SEC24A: variants seen among roughly 807,000 people sequenced by gnomAD.
The protein encoded by SEC24A is protein transport protein Sec24A.
In SEC24A, 93 loss-of-function variants were observed where a neutral mutation model predicts 129.4. That is an observed-to-expected ratio of 0.72 (90% CI 0.61 to 0.85). SEC24A has a LOEUF of 0.85. Among genes scored for constraint, SEC24A ranks in the 40% least tolerant of loss-of-function variants. The pLI is 0.00. For missense variants in SEC24A, 1,264 were observed against 1,307.4 expected (o/e 0.97, Z 0.51); for synonymous variants, 460 against 467.3 (o/e 0.98, Z 0.20).
chr5:134,665,728 T>C (rs1750639452), intron 2 of SEC24A, among the ~76,000 whole-genome samples: 1 of 151,884 alleles, frequency 6.6e-6, no homozygotes. Context: ...GGCTAATTTT[T>C]TGTATTTTTA....
chr5:134,666,231 G>A (rs1750654116), intron 2 of SEC24A, among the ~76,000 whole-genome samples: 3 of 151,878 alleles, frequency 2.0e-5, no homozygotes, highest in Admixed American at 6.6e-5. Flanking sequence ...TAATTGACAG[G>A]TAAGAGGCCT....
At chr5:134,677,168 CTA>C (rs2150084362) in intron 7 of SEC24A, among the ~76,000 whole-genome samples, 1 of 151,970 alleles carries the variant, frequency 6.6e-6, no homozygotes, top group East Asian at 1.9e-4. Flanking sequence ...TTGCTTGGGT[CTA>C]TGAGTTCAAG....
At chr5:134,679,427 A>T (rs771125300) in intron 7 of SEC24A, among the ~76,000 whole-genome samples, 175 bp from the exon 8 acceptor site, 2 of 152,146 alleles carry the variant, frequency 1.3e-5, no homozygotes, top group Non-Finnish European at 2.9e-5. Context: ...GTTTAAAATT[A>T]ATACATTTCA....
intron 18 of SEC24A, among the ~76,000 whole-genome samples, chr5:134,710,045 G>T (rs896496809): frequency 6.6e-6 from 1 of 151,326 alleles, no homozygotes. Context: ...GATTACAAGT[G>T]TGTGCCACTA....
Position 134,695,339 on chromosome 5 carries a change from A to AAAC in SEC24A, c.1986+1427_1986+1429dup, listed in dbSNP as rs552433417. Among the ~76,000 whole-genome samples, 76 of 151,724 alleles carry AAAC rather than the reference A, an allele frequency of 5.0e-4. 1 individual carries two copies. The highest frequency in any genetic ancestry group is 3.4e-3 in the Middle Eastern group (1 of 290). On this transcript the variant is annotated intron_variant, in intron 13 of 22. Transcript: ENST00000398844. Reference sequence around the variant, plus strand: ...TCGTGCCACTACACTCCAACTTGGGAAACAACAACAACAACAACAACAAAA... The same window carrying AAAC: ...TCGTGCCACTACACTCCAACTTGGGAAACAACAACAACAACAACAACAACAAAA...
chr5:134,674,858 A>G (rs928503806), intron 5 of SEC24A, 83 bp downstream of exon 5: 1 of 1,268,226 alleles, frequency 7.9e-7, no homozygotes, highest in South Asian at 1.6e-5. Flanking sequence ...AGGAAGGTAT[A>G]TTATACATTT....
At chr5:134,718,440 A>T (rs1392226308) in intron 20 of SEC24A, among the ~76,000 whole-genome samples, 1 of 152,020 alleles carries the variant, frequency 6.6e-6, no homozygotes, top group Admixed American at 6.6e-5. Flanking sequence ...ACTCCTACTT[A>T]ATTTTTTAAA....
At chr5:134,656,224 C>T (rs1364437426) in intron 1 of SEC24A, among the ~76,000 whole-genome samples, 2 of 151,464 alleles carry the variant, frequency 1.3e-5, no homozygotes, top group African/African-American at 2.4e-5. Context: ...CTGGGACCAC[C>T]GGCATGTGCC....
chr5:134,704,344 A>G (rs1366842124), intron 16 of SEC24A, among the ~76,000 whole-genome samples: 1 of 152,196 alleles, frequency 6.6e-6, no homozygotes, highest in Non-Finnish European at 1.5e-5. Context: ...CTGGGATTAC[A>G]GGCATGAGCC....
At chr5:134,705,619 T>G (rs987923094) in intron 17 of SEC24A, among the ~76,000 whole-genome samples, 182 bp downstream of exon 17, 11 of 152,196 alleles carry the variant, frequency 7.2e-5, no homozygotes, top group Non-Finnish European at 1.0e-4. Flanking sequence ...GTTTGTTTAT[T>G]TAAACAAATT....
In SEC24A at chr5:134,666,950, T is replaced by A; in HGVS notation, c.693T>A (p.Tyr231Ter). Reference sequence around the variant, plus strand: ...CCCTCACGCCCCTGACATCATCATATAGAGATGTACCCCAGCCCTTATTTA... The same window carrying A: ...CCCTCACGCCCCTGACATCATCATAAAGAGATGTACCCCAGCCCTTATTTA... ...VRALTPLTSS[Y>*]RDVPQPLFNS... is the part of the protein sequence containing the mutation. The change falls in exon 3 of 23, where the codon TAT becomes TAA. Residue 231 changes from tyrosine to a stop codon, truncating the protein, a stop_gained. Transcript: ENST00000398844. LOFTEE classifies it high-confidence loss of function. 6.2e-7 allele frequency: 1 copy of A among 1,611,730 alleles called. No individual in the cohort carries two copies. Among genetic ancestry groups the A allele is most frequent in the Non-Finnish European group, 8.5e-7 (1 of 1,179,422 alleles).
At chr5:134,662,697 A>T (rs1750516295) in intron 2 of SEC24A, among the ~76,000 whole-genome samples, 1 of 152,158 alleles carries the variant, frequency 6.6e-6, no homozygotes, top group South Asian at 2.1e-4. Flanking sequence ...CCTTGTAAAG[A>T]TTAAAGCTGC....
rs960497767 is a variant in SEC24A, at chr5:134,698,535, G to A, written c.2266+478G>A. 1.0e-3 allele frequency among the ~76,000 whole-genome samples: 158 copies of A among 151,654 alleles called. 1 individual carries two copies. The East Asian group carries it at 0.028, about 27-fold the overall frequency. ...TGGGAGGATTGTTGGGGCCTGGCCTGGGAGTCAGGTTGCAGTGAGCAGAGA... is the reference window on the plus strand; with the variant it reads ...TGGGAGGATTGTTGGGGCCTGGCCTAGGAGTCAGGTTGCAGTGAGCAGAGA... On this transcript the variant is annotated intron_variant, in intron 15 of 22. Coordinates refer to ENST00000398844, the MANE Select transcript of SEC24A (RefSeq NM_021982.3).
intron 1 of SEC24A, among the ~76,000 whole-genome samples, chr5:134,653,964 G>T (rs576782610): frequency 6.6e-6 from 1 of 151,946 alleles, no homozygotes; most frequent in African/African-American, 2.4e-5. Context: ...TCAGACCAGG[G>T]TAGGCAACAT....
chr5:134,666,076 C>G (rs907783599), intron 2 of SEC24A, among the ~76,000 whole-genome samples: 2 of 149,758 alleles, frequency 1.3e-5, no homozygotes, highest in Non-Finnish European at 3.0e-5. Flanking sequence ...ACTGGAGCAC[C>G]GGAATTCAAG....
At chr5:134,694,843 A>G (rs1169754092) in intron 13 of SEC24A, among the ~76,000 whole-genome samples, 1 of 151,866 alleles carries the variant, frequency 6.6e-6, no homozygotes, top group African/African-American at 2.4e-5. Flanking sequence ...AAAGAAAAGA[A>G]AAAGAGTAGT....
chr5:134,684,284 AAG>A (rs2150089737), intron 9 of SEC24A, among the ~76,000 whole-genome samples: 1 of 146,180 alleles, frequency 6.8e-6, no homozygotes, highest in Non-Finnish European at 1.5e-5. Flanking sequence ...GCCTGGGCAA[AAG>A]AGCGAAACTC....
chr5:134,688,667 T>TTTTATTTATTTATTTATTTATTTATTTA (rs149900252), intron 11 of SEC24A, among the ~76,000 whole-genome samples: 78 of 151,088 alleles, frequency 5.2e-4, no homozygotes, highest in African/African-American at 1.5e-3. Context: ...AGTCAATTGA[T>TTTTATTTATTTATTTATTTATTTATTTA]TTTATTTATT....
rs1752129621 is a variant in SEC24A at position 134,705,334 on chromosome 5, A to G, written c.2448A>G (p.Arg816=). ...TGTGTATTTTCCCCAAAGGCGAAAG[A>G]AGAATTCGTGTTCATACTTTGTGTT... ...ALLYTSSKGE[R]RIRVHTLCLP... The change falls in exon 17 of 23, where the codon AGA becomes AGG. Residue 816 remains arginine, a synonymous_variant. Transcript: ENST00000398844. 2 of 1,612,340 alleles carry G rather than the reference A, an allele frequency of 1.2e-6. No homozygotes were observed. The highest frequency in any genetic ancestry group is 8.5e-7 in the Non-Finnish European group (1 of 1,178,830).
Sources: allele counts gnomAD v4.1 joint callset (sites outside exome capture counted in the v4.1 genomes callset), GRCh38; gene constraint gnomAD v4.1.1; transcripts MANE v1.5; gene names NCBI Gene and HGNC (gene_info 2026-07-23, HGNC 2026-07-21).